Variants in PRRC2B observed in about 807,000 individuals in gnomAD.
The protein encoded by PRRC2B is proline rich coiled-coil 2B.
Under a neutral mutation model 242.3 loss-of-function variants are expected in PRRC2B, and 68 were observed. The ratio of observed to expected loss-of-function variants is 0.28; its 90% CI spans 0.23 to 0.34. The LOEUF is 0.34. Ranked by LOEUF, PRRC2B falls within the 10% of genes least tolerant of loss-of-function variation. The probability of loss-of-function intolerance (pLI) is 1.00; values close to 1 mark genes in which losing one functional copy is unlikely to be tolerated. For missense variants in PRRC2B, 2,835 were observed against 2,954.8 expected, an observed-to-expected ratio of 0.96 and a Z score of 0.94; for synonymous variants, 1,228 against 1,173.6, an observed-to-expected ratio of 1.05 and a Z score of -0.95.
In PRRC2B at chr9:131,487,936, A is replaced by G. The variant is rs376656138; in HGVS notation, c.6065A>G (p.Tyr2022Cys). 13 of 1,613,502 alleles carry G rather than the reference A, an allele frequency of 8.1e-6. No homozygotes were observed. The highest frequency in any genetic ancestry group is 1.1e-5 in the Non-Finnish European group (13 of 1,179,770). ...GGGGGCACAGCCTTGAAGCCTCCAT[A>G]CTCGGCGTTCCCAGGCATGCAGCCC... ...LSGGTALKPPYSAFPGMQPLE... is the reference protein window; with the variant it reads ...LSGGTALKPPCSAFPGMQPLE... The change falls in exon 28 of 32, where the codon TAC becomes TGC. Residue 2022 changes from tyrosine to cysteine, a missense_variant. Around this residue, in one of 7 missense-constraint regions of PRRC2B, gnomAD observed 574 missense variants for 626.0 expected, o/e 0.92. Transcript: ENST00000683519. This position sits in a 1 kb window ranked among gnomAD's most constrained non-coding sequence, Gnocchi z 5.3.
rs200503359 is a variant in PRRC2B at position 131,475,937 on chromosome 9, G to C, written c.3808G>C (p.Gly1270Arg). 5.6e-5 allele frequency: 90 copies of C among 1,613,790 alleles called. No homozygotes were observed. In the African/African-American group the frequency reaches 1.1e-3, roughly 21 times the overall value. ...ACACCCTGACGCATTTGGTGGCCGG[G>C]GCTTTGAGGACAGCCGCGCGGAGGA... The part of the protein sequence containing the change: ...YRHPDAFGGR[G>R]FEDSRAEDKR... Residue 1270 changes from glycine to arginine, a missense_variant, in exon 16 of 32, where the codon GGC (glycine) becomes CGC (arginine). Coordinates refer to ENST00000683519, the MANE Select transcript of PRRC2B (RefSeq NM_013318.4).
At position 131,447,697 on chromosome 9, in the gene PRRC2B, G is replaced by A. The variant is rs752974977; in HGVS notation, c.1013G>A (p.Arg338His). 3.8e-5 allele frequency: 61 copies of A among 1,610,940 alleles called. No individual in the cohort carries two copies. Among genetic ancestry groups the A allele is most frequent in the South Asian group, 1.3e-4 (12 of 90,728 alleles). Residue 338 changes from arginine (R) to histidine (H), a missense_variant, in exon 9 of 32, where the codon CGC becomes CAC. By Grantham distance (29) the Arg-to-His change is conservative. Transcript: ENST00000683519. ...AGGCTGGGATTGTCTCGCCCACTCC[G>A]CCCACTAAGGCAGCTGGTGGAGCGG... ...ENRLGLSRPL[R>H]PLRQLVERAP...
chr9:131,485,983 G>A (rs1944012256), intron 25 of PRRC2B, 102 bp from the exon 26 acceptor site: 1 of 835,318 alleles, frequency 1.2e-6, no homozygotes, highest in Admixed American at 2.0e-5. Context: ...TCCCCACTGA[G>A]TCCCCTGGGT....
rs1218115923 is a variant in PRRC2B at position 131,463,223 on chromosome 9, G to C, written c.1405-1540G>C. ...AATGTACCTTCATGCCTCTAAATTG[G>C]AAGTTTATAATCTTATGATTACAGT... is the stretch of plus-strand genomic sequence containing the variant. On this transcript the variant is annotated intron_variant, in intron 11 of 31. Coordinates refer to ENST00000683519, the MANE Select transcript of PRRC2B (RefSeq NM_013318.4). Among the ~76,000 whole-genome samples, 5 of 152,102 alleles carry C rather than the reference G, an allele frequency of 3.3e-5. No homozygotes were observed. In the East Asian group the frequency reaches 9.6e-4, roughly 29 times the overall value.
chr9:131,484,653 T>C lies in PRRC2B; in HGVS notation c.5461-33T>C, dbSNP rs765039374. The C allele has an allele frequency of 5.2e-6, 8 of 1,549,198 alleles. No homozygotes were observed. The South Asian group carries it at 9.5e-5, about 18-fold the overall frequency. On this transcript the variant is annotated intron_variant, in intron 23 of 31. Transcript: ENST00000683519. ...GGGCAAAGCCATCTCTGCACCTGTT[T>C]GTGTTCCATGGTTTCCTTTTCCTCC...
At chr9:131,484,894 C>T (rs1943975037) in intron 24 of PRRC2B, 54 bp from the exon 25 acceptor site, 1 of 1,580,716 alleles carries the variant, frequency 6.3e-7, no homozygotes, top group African/African-American at 1.3e-5. Flanking sequence ...TTGGCTCTGT[C>T]CACTGCCAGC....
chr9:131,482,502 C>T lies in PRRC2B; in HGVS notation c.5115C>T (p.Gly1705=). ...TLKPEEMSGP[G]LAEPKADSHK... ...AGCCAGAGGAGATGAGCGGGCCCGG[C>T]CTGGCGGAACCCAAGGCCGACAGCC... is the stretch of plus-strand genomic sequence containing the variant. Residue 1705 remains glycine, a synonymous_variant, in exon 21 of 32, where the codon GGC becomes GGT. Transcript: ENST00000683519. This position sits in a 1 kb window ranked among gnomAD's most constrained non-coding sequence, Gnocchi z 5.2. The T allele has an allele frequency of 6.2e-7, 1 of 1,611,350 alleles. No homozygotes were observed. Among genetic ancestry groups the T allele is most frequent in the East Asian group, 2.2e-5 (1 of 44,772 alleles).
intron 1 of PRRC2B, among the ~76,000 whole-genome samples, chr9:131,427,480 A>T (rs1838008032): frequency 1.3e-5 from 2 of 151,946 alleles, no homozygotes; most frequent in Non-Finnish European, 2.9e-5. Flanking sequence ...ACAGGCGCCC[A>T]CCACCACGCC....
At chr9:131,470,725 T>C (rs41297231) in intron 13 of PRRC2B, 63 bp from the exon 14 acceptor site, 19,030 of 1,389,354 alleles carry the variant, frequency 0.014, 194 homozygotes, top group Middle Eastern at 0.022. Flanking sequence ...AGGGCGTGTG[T>C]TGGGTGGCAT....
At chr9:131,470,093 G>T (rs1263028787) in intron 13 of PRRC2B, among the ~76,000 whole-genome samples, 1 of 152,186 alleles carries the variant, frequency 6.6e-6, no homozygotes, top group Non-Finnish European at 1.5e-5. Flanking sequence ...AGGGGTCCCA[G>T]TGTGTTCCCG....
At chr9:131,376,879 C>T (rs1194898000) in intron 1 of PRRC2B, among the ~76,000 whole-genome samples, 1 of 152,048 alleles carries the variant, frequency 6.6e-6, no homozygotes, top group African/African-American at 2.4e-5. Flanking sequence ...TGGTGGTATG[C>T]ACCTGTAATC....
At chr9:131,380,978 T>C (rs1391739100) in intron 1 of PRRC2B, among the ~76,000 whole-genome samples, 5 of 152,012 alleles carry the variant, frequency 3.3e-5, no homozygotes, top group African/African-American at 1.2e-4. Context: ...CTGTGGGTCG[T>C]TGTCTCACTT....
chr9:131,412,479 C>T (rs1007059216), intron 1 of PRRC2B, among the ~76,000 whole-genome samples: 5 of 152,188 alleles, frequency 3.3e-5, no homozygotes, highest in Admixed American at 2.0e-4. Context: ...TGCGTGCGTG[C>T]GTGCGTGCAT....
Position 131,485,133 on chromosome 9 carries a change from T to C in PRRC2B, c.5751T>C (p.Ser1917=). 1 of 1,581,198 alleles carries C rather than the reference T, an allele frequency of 6.3e-7. No homozygotes were observed. Among genetic ancestry groups the C allele is most frequent in the Non-Finnish European group, 8.6e-7 (1 of 1,160,918 alleles). The change falls in exon 25 of 32, where the codon TCT becomes TCC. Residue 1917 remains serine (S), a synonymous_variant. Coordinates refer to ENST00000683519, the MANE Select transcript of PRRC2B (RefSeq NM_013318.4). ...MPVASVAPSA[S]MPGSHLPPLY... ...TGGCCTCTGTAGCACCTTCTGCTTCTATGCCAGGTATCTCATCCCCTGAGC... is the reference window on the plus strand; with the variant it reads ...TGGCCTCTGTAGCACCTTCTGCTTCCATGCCAGGTATCTCATCCCCTGAGC...
chr9:131,456,867 C>G lies in PRRC2B; in HGVS notation c.1211+1701C>G, dbSNP rs190995030. Among the ~76,000 whole-genome samples the G allele has an allele frequency of 2.4e-3, 365 of 152,286 alleles. 1 individual carries two copies. Among genetic ancestry groups the G allele is most frequent in the South Asian group, 6.2e-3 (30 of 4,822 alleles). ...ATAATTTGTATTTTTTGAGTACTAG[C>G]AAGTAAGACTTTTTCCTTTGCTTCC... On this transcript the variant is annotated intron_variant, in intron 10 of 31. Coordinates refer to ENST00000683519, the MANE Select transcript of PRRC2B (RefSeq NM_013318.4).
chr9:131,477,726 A>T lies in PRRC2B; in HGVS notation c.4407-18A>T. 1.3e-6 allele frequency: 2 copies of T among 1,535,078 alleles called. No individual in the cohort carries two copies. Among genetic ancestry groups the T allele is most frequent in the Non-Finnish European group, 8.9e-7 (1 of 1,120,196 alleles). ...TCCTTCCCCAGCTCTGGTTAACAAG[A>T]TCCTCTTTCCCTTACAGATCCCCAG... On this transcript the variant is annotated intron_variant, in intron 16 of 31. Coordinates refer to ENST00000683519, the MANE Select transcript of PRRC2B (RefSeq NM_013318.4).
intron 3 of PRRC2B, among the ~76,000 whole-genome samples, chr9:131,434,517 G>C (rs1838279618): frequency 6.6e-6 from 1 of 152,252 alleles, no homozygotes; most frequent in Admixed American, 6.5e-5. Flanking sequence ...CCACAACGTG[G>C]GGACTCAGTG....
chr9:131,452,444 G>A (rs958824450), intron 9 of PRRC2B, among the ~76,000 whole-genome samples: 3 of 152,074 alleles, frequency 2.0e-5, no homozygotes, highest in Non-Finnish European at 2.9e-5. Context: ...TGAGTTTTTC[G>A]GTAAGTTGTG....
chr9:131,449,312 C>G (rs1942839621), intron 9 of PRRC2B, among the ~76,000 whole-genome samples: 1 of 152,062 alleles, frequency 6.6e-6, no homozygotes, highest in Non-Finnish European at 1.5e-5. Context: ...ACATTCCCAG[C>G]AGCAGTGTGT....
Sources: allele counts gnomAD v4.1 joint callset (sites outside exome capture counted in the v4.1 genomes callset), GRCh38; gene constraint gnomAD v4.1.1; regional missense constraint gnomAD v4.1.1; non-coding constraint Gnocchi (gnomAD v3.1); transcripts MANE v1.5; gene names NCBI Gene and HGNC (gene_info 2026-07-23, HGNC 2026-07-21).